The following ENTPD3 variants were observed in gnomAD, a reference collection of about 807,000 sequenced individuals.
ENTPD3 encodes the protein CD39 antigen-like 3.
ENTPD3 carries 60 observed loss-of-function variants against 51.2 expected under a neutral mutation model. The ratio of observed to expected loss-of-function variants is 1.17; its 90% confidence interval spans 0.95 to 1.45. The LOEUF (loss-of-function observed/expected upper bound fraction) is 1.45. ENTPD3 is among the 40% of genes most tolerant of loss of function. The pLI is 0.00. For missense variants in ENTPD3, 593 were observed against 641.1 expected, an observed-to-expected ratio of 0.93 and a Z score of 0.81; for synonymous variants, 221 against 238.4, an observed-to-expected ratio of 0.93 and a Z score of 0.67.
At chr3:40,425,909 A>T (rs1955972348) in intron 10 of ENTPD3, among the ~76,000 whole-genome samples, 1 of 151,306 alleles carries the variant, frequency 6.6e-6, no homozygotes, top group Non-Finnish European at 1.5e-5. Flanking sequence ...AAAAAAAAAA[A>T]AAAATTATAT....
rs562485010 is a variant in ENTPD3, at chr3:40,424,198, C to T, written c.1353+235C>T. 2.3e-4 allele frequency: 227 copies of T among 983,892 alleles called. 2 individuals carry two copies. The South Asian group carries it at 8.0e-3, about 35-fold the overall frequency. 60.9% of individuals were successfully genotyped at this position (983,892 alleles called of 1,614,324 possible). ...GGAAGCCAAGGGCCAATGGACTAGG[C>T]GGTCCTGGAGGGCAGAGACCTGTCT... is the stretch of plus-strand genomic sequence containing the variant. On this transcript the variant is annotated intron_variant, in intron 10 of 10. Transcript: ENST00000301825.
At chr3:40,390,072 T>G (rs1277534498) in intron 2 of ENTPD3, among the ~76,000 whole-genome samples, 1 of 152,176 alleles carries the variant, frequency 6.6e-6, no homozygotes, top group Non-Finnish European at 1.5e-5. Flanking sequence ...TTTAATTAAT[T>G]TACATTTAGA....
chr3:40,394,958 G>A (rs1955161937), intron 3 of ENTPD3, among the ~76,000 whole-genome samples: 1 of 152,166 alleles, frequency 6.6e-6, no homozygotes, highest in African/African-American at 2.4e-5. Context: ...TCCCCTTCTA[G>A]AACACACTGT....
chr3:40,418,439 T>C (rs1008860675), intron 7 of ENTPD3, among the ~76,000 whole-genome samples: 3 of 152,190 alleles, frequency 2.0e-5, no homozygotes, highest in Non-Finnish European at 4.4e-5. Flanking sequence ...ATCTGTAATA[T>C]AAGGAACTAC....
At chr3:40,423,202 T>C (rs1955916092) in intron 8 of ENTPD3, 80 bp downstream of exon 8, 3 of 1,555,032 alleles carry the variant, frequency 1.9e-6, no homozygotes, top group South Asian at 1.2e-5. Context: ...TCTGCTGACT[T>C]GTTAGCCACC....
chr3:40,410,646 A>G (rs534223305), intron 4 of ENTPD3, among the ~76,000 whole-genome samples: 2 of 152,242 alleles, frequency 1.3e-5, no homozygotes, highest in African/African-American at 4.8e-5. Flanking sequence ...TCAGTTAACC[A>G]TTTATAGAAA....
In ENTPD3 at chr3:40,415,883, C is replaced by T. The variant is rs201157099; in HGVS notation, c.641C>T (p.Thr214Ile). The T allele has an allele frequency of 6.2e-7, 1 of 1,614,000 alleles. No homozygotes were observed. The highest frequency in any genetic ancestry group is 8.5e-7 in the Non-Finnish European group (1 of 1,180,010). ...TGGGTGCACCCGCATGGAGTGGAAA[C>T]CACGGGTGCCCTGGACTTAGGTGGT... is the stretch of plus-strand genomic sequence containing the variant. ...HMWVHPHGVE[T>I]TGALDLGGAS... Residue 214 changes from threonine to isoleucine, a missense_variant, in exon 7 of 11, where the codon ACC (threonine) becomes ATC (isoleucine). Thr to Ile is a moderately conservative substitution (Grantham distance 89, BLOSUM62 -1). Coordinates refer to ENST00000301825, the MANE Select transcript of ENTPD3 (RefSeq NM_001248.4).
chr3:40,410,303 CG>C (rs1955597791), intron 4 of ENTPD3, among the ~76,000 whole-genome samples: 1 of 151,742 alleles, frequency 6.6e-6, no homozygotes. Flanking sequence ...TAGCCAGGCA[CG>C]GTGGCACGTG....
At chr3:40,403,912 G>A (rs555867260) in intron 4 of ENTPD3, among the ~76,000 whole-genome samples, 2 of 152,204 alleles carry the variant, frequency 1.3e-5, no homozygotes, top group African/African-American at 4.8e-5. Context: ...GCCTCCCAAA[G>A]TGCTGAGATT....
intron 3 of ENTPD3, among the ~76,000 whole-genome samples, chr3:40,398,942 G>A (rs1477366401): frequency 6.6e-6 from 1 of 152,162 alleles, no homozygotes; most frequent in African/African-American, 2.4e-5. Context: ...TGCATGGCCA[G>A]ATGCGGTAGC....
At chr3:40,398,384 A>G (rs1445009524) in intron 3 of ENTPD3, among the ~76,000 whole-genome samples, 1 of 152,160 alleles carries the variant, frequency 6.6e-6, no homozygotes, top group Admixed American at 6.5e-5. Flanking sequence ...CAGGCGTGGC[A>G]GGGCGGGCTG....
intron 10 of ENTPD3, 64 bp downstream of exon 10, chr3:40,424,027 G>A: frequency 6.2e-7 from 1 of 1,608,088 alleles, no homozygotes. Context: ...TGTGTGTGTG[G>A]AACAAATGTA....
intron 5 of ENTPD3, among the ~76,000 whole-genome samples, chr3:40,412,955 T>A (rs1306100605): frequency 3.3e-5 from 5 of 152,246 alleles, no homozygotes; most frequent in Admixed American, 6.5e-5. Flanking sequence ...GTAATAGAAA[T>A]GATCTAAAAA....
intron 1 of ENTPD3, 68 bp from the exon 2 acceptor site, chr3:40,387,978 G>C: frequency 1.5e-6 from 2 of 1,330,222 alleles, no homozygotes; most frequent in Non-Finnish European, 2.2e-6. Context: ...CTTAACCTGG[G>C]CTCGTTCTTT....
intron 7 of ENTPD3, among the ~76,000 whole-genome samples, chr3:40,420,529 A>G (rs1034968579): frequency 1.3e-5 from 2 of 151,940 alleles, no homozygotes; most frequent in Non-Finnish European, 2.9e-5. Flanking sequence ...GTGAGCCACC[A>G]CGCCCCGCAT....
chr3:40,420,626 AGATTT>A (rs1187535026), intron 7 of ENTPD3, among the ~76,000 whole-genome samples: 2 of 152,138 alleles, frequency 1.3e-5, no homozygotes, highest in Non-Finnish European at 2.9e-5. Context: ...TGAAAATCAT[AGATTT>A]TTTTCATACC....
chr3:40,424,909 A>G, intron 10 of ENTPD3: 1 of 646,706 alleles, frequency 1.5e-6, no homozygotes, highest in Non-Finnish European at 2.8e-6. Flanking sequence ...AGTCATCTAC[A>G]AAAAAATAAG....
In ENTPD3 at chr3:40,423,048, T is replaced by C. The variant is rs747726439; in HGVS notation, c.1030T>C (p.Phe344Leu). 9.9e-6 allele frequency: 16 copies of C among 1,614,006 alleles called. No homozygotes were observed. The highest frequency in any genetic ancestry group is 1.1e-5 in the Non-Finnish European group (13 of 1,180,006). ...CKEKVASIFD[F>L]KACHDQETCS... is the part of the protein sequence containing the mutation. ...GGAGAAGGTGGCTTCCATATTTGAC[T>C]TCAAAGCTTGCCATGATCAAGAAAC... The change falls in exon 8 of 11, where the codon TTC becomes CTC. Residue 344 changes from phenylalanine to leucine, a missense_variant. Physicochemically the swap from Phe to Leu is conservative, Grantham distance 22 (BLOSUM62 0). Coordinates refer to ENST00000301825, the MANE Select transcript of ENTPD3 (RefSeq NM_001248.4).
intron 4 of ENTPD3, among the ~76,000 whole-genome samples, chr3:40,409,029 G>C (rs1268244613): frequency 6.6e-6 from 1 of 151,998 alleles, no homozygotes; most frequent in Non-Finnish European, 1.5e-5. Context: ...AGGCCAAGTG[G>C]ATCAGCTGAA....
Sources: gnomAD v4.1 joint callset for allele counts (sites outside exome capture counted in the v4.1 genomes callset) on GRCh38, gnomAD v4.1.1 for gene constraint, MANE v1.5 for transcripts, NCBI Gene and HGNC (gene_info 2026-07-23, HGNC 2026-07-21) for gene names.